The following GALNT8 variants were observed in gnomAD, a reference collection of about 807,000 sequenced individuals.
GALNT8 encodes the protein polypeptide N-acetylgalactosaminyltransferase 8, also known as probable polypeptide N-acetylgalactosaminyltransferase 8.
GALNT8 carries 66 observed loss-of-function variants against 62.7 expected under a neutral mutation model. The observed-to-expected ratio is 1.05, with a 90% confidence interval of 0.86 to 1.29. GALNT8 has a LOEUF of 1.29. Among genes scored for constraint, GALNT8 ranks in the 50% most tolerant of loss-of-function variants. The pLI is 0.00. For missense variants in GALNT8, 771 were observed against 791.8 expected (o/e 0.97, Z 0.32); for synonymous variants, 288 against 294.3 (o/e 0.98, Z 0.22).
chr12:4,762,176 A>C (rs1020352943), intron 7 of GALNT8, among the ~76,000 whole-genome samples: 1 of 152,188 alleles, frequency 6.6e-6, no homozygotes, highest in South Asian at 2.1e-4. Context: ...CAGTATACCA[A>C]GGTATGATAG....
chr12:4,720,640 C>T lies in GALNT8; in HGVS notation c.-38C>T, dbSNP rs750549328. 4 of 1,275,336 alleles carry T rather than the reference C, an allele frequency of 3.1e-6. 1 individual carries two copies. The highest frequency in any genetic ancestry group is 4.6e-6 in the Non-Finnish European group (4 of 870,764). The allele number at this position is 1,275,336 out of a possible 1,614,324, so 79.0% of individuals were successfully genotyped here. On this transcript the variant is annotated 5_prime_UTR_variant, in exon 1 of 11. Transcript: ENST00000252318. ...CTTAACCTGCTCCAGCAGTGACACA[C>T]TCAGTCCCACAGGGAGTGGACGACC... is the stretch of plus-strand genomic sequence containing the variant.
At chr12:4,737,782 TG>T (rs2137526398) in intron 2 of GALNT8, among the ~76,000 whole-genome samples, 1 of 152,346 alleles carries the variant, frequency 6.6e-6, no homozygotes, top group East Asian at 1.9e-4. Flanking sequence ...TTTGTTATCA[TG>T]GGACTGGGCT....
chr12:4,738,299 A>G (rs1946255016), intron 2 of GALNT8, among the ~76,000 whole-genome samples: 2 of 152,252 alleles, frequency 1.3e-5, no homozygotes, highest in South Asian at 4.1e-4. Flanking sequence ...TGTAAATATA[A>G]GAGATAAAAC....
At chr12:4,757,815 A>G (rs1011144782) in intron 6 of GALNT8, among the ~76,000 whole-genome samples, 3 of 152,226 alleles carry the variant, frequency 2.0e-5, no homozygotes, top group Non-Finnish European at 4.4e-5. Flanking sequence ...AACACAAAAA[A>G]TATAAATGCA....
intron 1 of GALNT8, among the ~76,000 whole-genome samples, chr12:4,722,273 G>A (rs111605041): frequency 0.011 from 1,691 of 152,276 alleles, 26 homozygotes; most frequent in African/African-American, 0.038. Flanking sequence ...ATTTTGCGGT[G>A]TGCTCCTTTC....
intron 6 of GALNT8, among the ~76,000 whole-genome samples, chr12:4,758,637 T>G (rs10849140): frequency 3.4e-5 from 2 of 59,676 alleles, no homozygotes; most frequent in African/African-American, 1.2e-4. Flanking sequence ...TGTGTGTGTG[T>G]GAGAGAGAGA....
At chr12:4,767,233 T>C (rs917739490) in intron 10 of GALNT8, among the ~76,000 whole-genome samples, 1 of 152,126 alleles carries the variant, frequency 6.6e-6, no homozygotes, top group African/African-American at 2.4e-5. Context: ...AGGGGTGCTT[T>C]TGTAGCCCTG....
In GALNT8 at chr12:4,739,273, G is replaced by A. The variant is rs773092794; in HGVS notation, c.620G>A (p.Arg207Gln). The A allele has an allele frequency of 6.2e-6, 10 of 1,613,540 alleles. No homozygotes were observed. The highest frequency in any genetic ancestry group is 4.5e-5 in the East Asian group (2 of 44,888). Residue 207 changes from arginine (R) to glutamine (Q), a missense_variant, in exon 3 of 11, where the codon CGG becomes CAG. By Grantham distance (43) the Arg-to-Gln change is conservative (BLOSUM62 1). Coordinates refer to ENST00000252318, the MANE Select transcript of GALNT8 (RefSeq NM_017417.2). ...IQRAITSIIN[R>Q]TPSRLLKEII... Reference sequence around the variant, plus strand: ...CGGGCCATCACCAGTATCATCAACCGGACGCCCTCTCGATTGTTGAAGGAA... The same window carrying A: ...CGGGCCATCACCAGTATCATCAACCAGACGCCCTCTCGATTGTTGAAGGAA...
At position 4,746,255 on chromosome 12, in the gene GALNT8, G is replaced by C. The variant is rs144865714; in HGVS notation, c.1170G>C (p.Leu390=). Residue 390 remains leucine (L), a synonymous_variant, in exon 6 of 11, where the codon CTG becomes CTC. Transcript: ENST00000252318. ...IYGGENVELS[L]RVWQCGGKVE... is the part of the protein sequence containing the mutation. ...GAGGAGAGAACGTGGAGCTTAGCCTGAGGGTGGGTACATTTCCCTTTTCTT... is the reference window on the plus strand; with the variant it reads ...GAGGAGAGAACGTGGAGCTTAGCCTCAGGGTGGGTACATTTCCCTTTTCTT... 39 of 1,547,482 alleles carry C rather than the reference G, an allele frequency of 2.5e-5. 1 individual carries two copies. The African/African-American group carries it at 5.0e-4, about 20-fold the overall frequency.
Position 4,744,677 on chromosome 12 carries a change from T to C in GALNT8, c.837T>C (p.Ala279=). The stretch of plus-strand genomic sequence containing the variant: ...CAGACGTGGTCGCCATCTTGGATGC[T>C]CACATTGAAGTCAATGTTGGGTGGT... ...ATADVVAILD[A]HIEVNVGWAE... Residue 279 remains alanine (A), a synonymous_variant, in exon 4 of 11, where the codon GCT becomes GCC. Coordinates refer to ENST00000252318, the MANE Select transcript of GALNT8 (RefSeq NM_017417.2). 1 of 1,612,392 alleles carries C rather than the reference T, an allele frequency of 6.2e-7. No individual in the cohort carries two copies. Among genetic ancestry groups the C allele is most frequent in the Admixed American group, 1.7e-5 (1 of 59,804 alleles).
chr12:4,750,848 T>G (rs1946319650), intron 6 of GALNT8, among the ~76,000 whole-genome samples: 1 of 152,036 alleles, frequency 6.6e-6, no homozygotes, highest in South Asian at 2.1e-4. Context: ...ATTTTCTTCT[T>G]TTTAATAATA....
intron 2 of GALNT8, among the ~76,000 whole-genome samples, chr12:4,732,234 G>C (rs552329114): frequency 2.6e-5 from 4 of 152,350 alleles, no homozygotes; most frequent in African/African-American, 9.6e-5. Flanking sequence ...GCAAAATTGT[G>C]ATATGAATAA....
chr12:4,764,148 G>T (rs1946387056), intron 9 of GALNT8, 101 bp downstream of exon 9: 1 of 765,288 alleles, frequency 1.3e-6, no homozygotes, highest in African/African-American at 1.7e-5. Context: ...GTGATGGGGA[G>T]GCAGGAGCGG....
intron 3 of GALNT8, among the ~76,000 whole-genome samples, chr12:4,739,850 G>GT (rs1434399063): frequency 4.0e-5 from 6 of 151,828 alleles, no homozygotes; most frequent in African/African-American, 1.4e-4. Flanking sequence ...TATTTTTTTA[G>GT]TAGAGACGAG....
chr12:4,752,189 G>C (rs1946325022), intron 6 of GALNT8, among the ~76,000 whole-genome samples: 1 of 151,948 alleles, frequency 6.6e-6, no homozygotes. Context: ...AGTGGGTCTT[G>C]TTTTTTCATT....
chr12:4,735,505 C>T (rs970884383), intron 2 of GALNT8, among the ~76,000 whole-genome samples: 1 of 152,206 alleles, frequency 6.6e-6, no homozygotes, highest in Non-Finnish European at 1.5e-5. Context: ...CCACATTTCA[C>T]ACCTTCTCCT....
At chr12:4,723,750 C>CTTTTT (rs539656719) in intron 1 of GALNT8, among the ~76,000 whole-genome samples, 3 of 124,932 alleles carry the variant, frequency 2.4e-5, no homozygotes, top group Non-Finnish European at 3.4e-5. Context: ...ATCACCAATG[C>CTTTTT]TTTTTTTTTT....
chr12:4,734,007 A>T (rs1386269730), intron 2 of GALNT8, among the ~76,000 whole-genome samples: 1 of 152,236 alleles, frequency 6.6e-6, no homozygotes, highest in Non-Finnish European at 1.5e-5. Context: ...CGTAATAATG[A>T]CAACAAGAAC....
chr12:4,743,605 C>T (rs996735782), intron 3 of GALNT8, among the ~76,000 whole-genome samples: 2 of 152,138 alleles, frequency 1.3e-5, no homozygotes, highest in African/African-American at 2.4e-5. Flanking sequence ...GTTCTTGAGA[C>T]ACGGTGTTCT....
Sources: gnomAD v4.1 joint callset for allele counts (sites outside exome capture counted in the v4.1 genomes callset) on GRCh38, gnomAD v4.1.1 for gene constraint, MANE v1.5 for transcripts, NCBI Gene and HGNC (gene_info 2026-07-23, HGNC 2026-07-21) for gene names.